PTPRN2: variants seen among roughly 807,000 people sequenced by gnomAD.
PTPRN2 encodes the protein receptor-type tyrosine-protein phosphatase N2.
PTPRN2 carries 74 observed loss-of-function variants against 118.8 expected under a neutral mutation model. That is an observed-to-expected ratio of 0.62 (90% CI 0.52 to 0.76). The LOEUF (loss-of-function observed/expected upper bound fraction) is 0.76. Ranked by LOEUF, PTPRN2 falls within the 30% of genes least tolerant of loss-of-function variation. The pLI, the probability that PTPRN2 is intolerant of heterozygous loss-of-function variation, is 0.00. For synonymous variants in PTPRN2, 641 were observed against 608.0 expected, an observed-to-expected ratio of 1.05 and a Z score of -0.80; for missense variants, 1,481 against 1,394.4, an observed-to-expected ratio of 1.06 and a Z score of -0.99.
At position 157,813,839 on chromosome 7, in the gene PTPRN2, C is replaced by T. The variant is rs1806210836; in HGVS notation, c.1788+84834G>A. On this transcript the variant is annotated intron_variant, in intron 12 of 22. Coordinates refer to ENST00000389418, the MANE Select transcript of PTPRN2 (RefSeq NM_002847.5). The surrounding 1 kb of genome is among the most constrained non-coding windows in gnomAD (Gnocchi z 4.7). The stretch of plus-strand genomic sequence containing the variant: ...GGAGCGCGGGTAAAACAGCTCGGGG[C>T]CAGCCAGAGCTTCTGAGCCAGGGCT... 6.6e-6 allele frequency among the ~76,000 whole-genome samples: 1 copy of T among 152,234 alleles called. No individual in the cohort carries two copies. The highest frequency in any genetic ancestry group is 2.4e-5 in the African/African-American group (1 of 41,454).
chr7:157,971,017 G>C (rs1230206603), intron 11 of PTPRN2, among the ~76,000 whole-genome samples: 2 of 152,168 alleles, frequency 1.3e-5, no homozygotes, highest in Non-Finnish European at 2.9e-5. Flanking sequence ...AATAATCCTA[G>C]AGAAAGTTCA....
In PTPRN2 at chr7:157,674,841, CG is replaced by C. The variant is rs532252791; in HGVS notation, c.2001+7883del. Among the ~76,000 whole-genome samples the C allele has an allele frequency of 6.6e-5, 10 of 152,262 alleles. No individual in the cohort carries two copies. Among genetic ancestry groups the C allele is most frequent in the East Asian group, 5.8e-4 (3 of 5,166 alleles). On this transcript the variant is annotated intron_variant, in intron 13 of 22. Coordinates refer to ENST00000389418, the MANE Select transcript of PTPRN2 (RefSeq NM_002847.5). This position sits in a 1 kb window ranked among gnomAD's most constrained non-coding sequence, Gnocchi z 4.5. ...TCCTCCCACGCCGAGCTCCTCCTGC[CG>C]GGGGGGTCTGCACAGTTCTGGGTGG...
rs202164843 is a variant in PTPRN2, at chr7:158,536,338, GAAGTT to G, written c.113-46558_113-46554del. Reference sequence around the variant, plus strand: ...ATGTTTTCAAGAAAATAAACAATAAGAAGTTAAGTAAGTGCTGCCCTGCCTTGTCT... The same window carrying G: ...ATGTTTTCAAGAAAATAAACAATAAGAAGTAAGTGCTGCCCTGCCTTGTCT... On this transcript the variant is annotated intron_variant, in intron 1 of 22. Coordinates refer to ENST00000389418, the MANE Select transcript of PTPRN2 (RefSeq NM_002847.5). Among the ~76,000 whole-genome samples, 252 of 152,278 alleles carry G rather than the reference GAAGTT, an allele frequency of 1.7e-3. 8 individuals carry two copies. In the East Asian group the frequency reaches 0.031, roughly 19 times the overall value.
At chr7:158,463,406 A>G (rs112398387) in intron 2 of PTPRN2, among the ~76,000 whole-genome samples, 139 of 152,126 alleles carry the variant, frequency 9.1e-4, no homozygotes, top group African/African-American at 3.2e-3. Flanking sequence ...CACGACCATC[A>G]TTGTTGTCAT....
rs115110971 is a variant in PTPRN2, at chr7:157,676,974, C to T, written c.2001+5751G>A. ...GGAAGCAGCACCCGCTCCACAGACA[C>T]CACGCACACCGCCCCTCCCCTGGTG... On this transcript the variant is annotated intron_variant, in intron 13 of 22. Coordinates refer to ENST00000389418, the MANE Select transcript of PTPRN2 (RefSeq NM_002847.5). This position sits in a 1 kb window ranked among gnomAD's most constrained non-coding sequence, Gnocchi z 5.6. Among the ~76,000 whole-genome samples, 1,821 of 152,270 alleles carry T rather than the reference C, an allele frequency of 0.012. 37 individuals are homozygous for T. Among genetic ancestry groups the T allele is most frequent in the African/African-American group, 0.042 (1,746 of 41,556 alleles).
At chr7:157,703,422 C>T (rs1231084724) in intron 12 of PTPRN2, among the ~76,000 whole-genome samples, 1 of 152,226 alleles carries the variant, frequency 6.6e-6, no homozygotes, top group African/African-American at 2.4e-5. Flanking sequence ...ACCCTCAGCA[C>T]AGCCTATAGG....
chr7:157,715,305 G>A (rs1032366335), intron 12 of PTPRN2, among the ~76,000 whole-genome samples: 14 of 152,096 alleles, frequency 9.2e-5, no homozygotes, highest in South Asian at 2.1e-4. Flanking sequence ...CGGCGGCCGC[G>A]GGAAACCCCT....
intron 12 of PTPRN2, among the ~76,000 whole-genome samples, chr7:157,847,512 G>T (rs3857647): frequency 9.7e-6 from 1 of 103,262 alleles, no homozygotes. Flanking sequence ...TCCATCATGC[G>T]TGCCCGATGT....
intron 12 of PTPRN2, among the ~76,000 whole-genome samples, chr7:157,786,773 C>T (rs907226590): frequency 2.6e-5 from 4 of 152,268 alleles, no homozygotes; most frequent in African/African-American, 4.8e-5. Context: ...TTTAAAAACG[C>T]GTAAGACTCA....
chr7:157,752,252 C>T (rs554881786), intron 12 of PTPRN2, among the ~76,000 whole-genome samples: 95 of 152,298 alleles, frequency 6.2e-4, no homozygotes, highest in African/African-American at 2.2e-3. Flanking sequence ...ACGGATGTAG[C>T]GGGGAACGTC....
intron 15 of PTPRN2, among the ~76,000 whole-genome samples, chr7:157,606,503 C>T (rs921971386): frequency 3.3e-5 from 5 of 152,228 alleles, no homozygotes; most frequent in East Asian, 1.9e-4. Context: ...GCTCTGCTGC[C>T]GTTTGTCCCA....
chr7:157,723,196 G>T (rs187377090), intron 12 of PTPRN2, among the ~76,000 whole-genome samples: 38 of 152,294 alleles, frequency 2.5e-4, no homozygotes, highest in African/African-American at 8.9e-4. Flanking sequence ...GGTGAACATA[G>T]AATGTGGGGC....
At chr7:157,770,275 T>C (rs1223489618) in intron 12 of PTPRN2, among the ~76,000 whole-genome samples, 1 of 152,236 alleles carries the variant, frequency 6.6e-6, no homozygotes, top group East Asian at 1.9e-4. Flanking sequence ...TTTCTGCTGG[T>C]TTAAGTGTGT....
intron 2 of PTPRN2, among the ~76,000 whole-genome samples, chr7:158,379,306 C>T (rs146479610): frequency 8.5e-5 from 13 of 152,192 alleles, no homozygotes; most frequent in East Asian, 5.8e-4. Flanking sequence ...CTGTGCAACA[C>T]GCCTCTGCAG....
chr7:158,060,435 C>G (rs536665151), intron 11 of PTPRN2, among the ~76,000 whole-genome samples: 2 of 152,234 alleles, frequency 1.3e-5, no homozygotes, highest in African/African-American at 4.8e-5. Context: ...CCAGCTCCCA[C>G]GGCTGTGGCG....
chr7:158,491,582 C>T (rs1821447048), intron 1 of PTPRN2, among the ~76,000 whole-genome samples: 5 of 152,110 alleles, frequency 3.3e-5, no homozygotes, highest in Admixed American at 3.3e-4. Flanking sequence ...CTCTGCCTCC[C>T]AGGTTCAAGC....
chr7:158,341,865 C>G (rs1192578601), intron 2 of PTPRN2, among the ~76,000 whole-genome samples: 1 of 63,202 alleles, frequency 1.6e-5, no homozygotes, highest in Non-Finnish European at 3.2e-5. Context: ...AAGAGTGTGC[C>G]CCGCAGGCGT....
chr7:158,386,085 TCC>T (rs1811331904), intron 2 of PTPRN2, among the ~76,000 whole-genome samples: 1 of 110,450 alleles, frequency 9.1e-6, no homozygotes, highest in Non-Finnish European at 1.7e-5. Context: ...TCCTCCCTCC[TCC>T]CGTGCCCCAA....
At chr7:157,891,302 G>A (rs1796785677) in intron 12 of PTPRN2, among the ~76,000 whole-genome samples, 1 of 152,152 alleles carries the variant, frequency 6.6e-6, no homozygotes, top group South Asian at 2.1e-4. Context: ...GACAGGAAAT[G>A]ACAGGGTGGA....
Sources: gnomAD v4.1 joint callset for allele counts (sites outside exome capture counted in the v4.1 genomes callset) on GRCh38, gnomAD v4.1.1 for gene constraint, Gnocchi (gnomAD v3.1) non-coding constraint, MANE v1.5 for transcripts, NCBI Gene and HGNC (gene_info 2026-07-23, HGNC 2026-07-21) for gene names.